SLC26A3: variants seen among roughly 807,000 people sequenced by gnomAD.
SLC26A3 encodes solute carrier family 26 member 3.
Under a neutral mutation model 85.6 loss-of-function variants are expected in SLC26A3, and 64 were observed. The observed-to-expected ratio is 0.75, with a 90% CI of 0.61 to 0.92. The LOEUF is 0.92. SLC26A3 is among the 40% of genes least tolerant of loss of function. The pLI, the probability that SLC26A3 is intolerant of heterozygous loss-of-function variation, is 0.00. For synonymous variants in SLC26A3, 349 were observed against 336.0 expected, an observed-to-expected ratio of 1.04 and a Z score of -0.42; for missense variants, 922 against 927.3, an observed-to-expected ratio of 0.99 and a Z score of 0.07.
intron 18 of SLC26A3, among the ~76,000 whole-genome samples, chr7:107,770,000 C>CCCTTTCTT (rs1554377064): frequency 7.6e-6 from 1 of 130,994 alleles, no homozygotes; most frequent in African/African-American, 2.8e-5. Context: ...TTCCTTTTTT[C>CCCTTTCTT]TCTTTCTTTC....
chr7:107,776,753 A>G (rs947098071), intron 13 of SLC26A3, 47 bp from the exon 14 acceptor site: 13 of 1,554,136 alleles, frequency 8.4e-6, no homozygotes, highest in Non-Finnish European at 1.2e-5. Flanking sequence ...ATGTTTGTTA[A>G]GCCTATAAGG....
At chr7:107,767,499 G>T in intron 20 of SLC26A3, 80 bp downstream of exon 20, 1 of 1,013,794 alleles carries the variant, frequency 9.9e-7, no homozygotes, top group Non-Finnish European at 1.6e-6. Flanking sequence ...TCTGCCACAT[G>T]CAGGAAGTGG....
intron 16 of SLC26A3, 105 bp downstream of exon 16, chr7:107,774,672 C>T: frequency 1.2e-6 from 1 of 863,250 alleles, no homozygotes; most frequent in Non-Finnish European, 2.0e-6. Context: ...CACATGAAAT[C>T]CCTTGTTTAT....
At chr7:107,774,673 C>A (rs1794081451) in intron 16 of SLC26A3, 104 bp downstream of exon 16, 2 of 871,062 alleles carry the variant, frequency 2.3e-6, no homozygotes, top group South Asian at 2.7e-5. Flanking sequence ...ACATGAAATC[C>A]CTTGTTTATC....
intron 18 of SLC26A3, among the ~76,000 whole-genome samples, chr7:107,770,038 C>CTTTCTTTCTTTCTTTCTTTCTTTCTT (rs1554377141): frequency 2.6e-5 from 2 of 76,360 alleles, no homozygotes; most frequent in Non-Finnish European, 5.3e-5. Flanking sequence ...TTCTTTCTTT[C>CTTTCTTTCTTTCTTTCTTTCTTTCTT]TTTCTTTCTT....
chr7:107,779,429 G>C (rs1249335673), intron 12 of SLC26A3, among the ~76,000 whole-genome samples: 1 of 152,182 alleles, frequency 6.6e-6, no homozygotes, highest in Non-Finnish European at 1.5e-5. Flanking sequence ...TTCTAGACTA[G>C]TGTTTCATGG....
intron 17 of SLC26A3, among the ~76,000 whole-genome samples, chr7:107,773,004 A>G (rs1384877444): frequency 2.0e-5 from 3 of 152,198 alleles, no homozygotes; most frequent in Non-Finnish European, 2.9e-5. Flanking sequence ...CAAGAAAAAG[A>G]GAGAAAGATG....
intron 7 of SLC26A3, 148 bp downstream of exon 7, chr7:107,787,209 A>G (rs1794311661): frequency 2.4e-6 from 2 of 843,822 alleles, no homozygotes; most frequent in Non-Finnish European, 3.9e-6. Context: ...TAAATTCTGA[A>G]TGAAAATAAA....
Position 107,783,308 on chromosome 7 carries a change from G to A in SLC26A3, c.1016C>T (p.Thr339Ile). Residue 339 changes from threonine (T) to isoleucine (I), a missense_variant, in exon 9 of 21, where the codon ACC (threonine) becomes ATC (isoleucine). Transcript: ENST00000340010. ...ITPDVETFQN[T>I]VGDCFGIAMV... Reference sequence around the variant, plus strand: ...TGCGATGCCGAAGCAATCTCCTACGGTGTTTTGGAAAGTCTCCACGTCAGG... The same window carrying A: ...TGCGATGCCGAAGCAATCTCCTACGATGTTTTGGAAAGTCTCCACGTCAGG... The A allele has an allele frequency of 6.2e-7, 1 of 1,614,190 alleles. No homozygotes were observed. Among genetic ancestry groups the A allele is most frequent in the Non-Finnish European group, 8.5e-7 (1 of 1,180,032 alleles).
rs181731595 is a variant in SLC26A3, at chr7:107,797,869, T to C, written c.-88-3272A>G. ...CTTTTTTCACCTGAACAAGTTACAT[T>C]TTTGCCAGAAATTCTTGGAAAACAC... is the stretch of plus-strand genomic sequence containing the variant. On this transcript the variant is annotated intron_variant, in intron 1 of 20. Coordinates refer to ENST00000340010, the MANE Select transcript of SLC26A3 (RefSeq NM_000111.3). Among the ~76,000 whole-genome samples the C allele has an allele frequency of 2.7e-3, 404 of 152,064 alleles. 1 individual carries two copies. The highest frequency in any genetic ancestry group is 7.4e-3 in the Admixed American group (113 of 15,286).
At chr7:107,767,683 T>A (rs776865026) in intron 19 of SLC26A3, 39 bp from the exon 20 acceptor site, 79 of 1,592,452 alleles carry the variant, frequency 5.0e-5, no homozygotes, top group Middle Eastern at 1.7e-4. Context: ...TAGGGGCTGA[T>A]TTTTTTTAAT....
chr7:107,770,018 C>CTTTCT (rs1562874124), intron 18 of SLC26A3, among the ~76,000 whole-genome samples: 1 of 38,426 alleles, frequency 2.6e-5, no homozygotes, highest in Non-Finnish European at 4.5e-5. Context: ...TTCTTTCTTT[C>CTTTCT]TTTCTTTCTT....
chr7:107,769,507 A>G (rs911699595), intron 18 of SLC26A3, among the ~76,000 whole-genome samples: 1 of 152,160 alleles, frequency 6.6e-6, no homozygotes, highest in African/African-American at 2.4e-5. Context: ...ATTCTCACTT[A>G]TAAGTGGGAG....
Position 107,767,752 on chromosome 7 carries a change from C to T in SLC26A3, c.2205+14G>A. On this transcript the variant is annotated intron_variant, in intron 19 of 20. Transcript: ENST00000340010. ...CTGCTTATGCAATTGTGAAAGTCACCAAAGAGCTGATACCTGACTGGGATT... is the reference window on the plus strand; with the variant it reads ...CTGCTTATGCAATTGTGAAAGTCACTAAAGAGCTGATACCTGACTGGGATT... The T allele has an allele frequency of 6.2e-7, 1 of 1,613,494 alleles. No homozygotes were observed. Among genetic ancestry groups the T allele is most frequent in the Non-Finnish European group, 8.5e-7 (1 of 1,179,756 alleles).
In SLC26A3 at chr7:107,782,876, T is replaced by C; in HGVS notation, c.1234-2A>G. On this transcript the variant is annotated splice_acceptor_variant, in intron 10 of 20. Coordinates refer to ENST00000340010, the MANE Select transcript of SLC26A3 (RefSeq NM_000111.3). LOFTEE classifies it high-confidence loss of function. ...GATGGCACCAATAAGCCCAGCAATC[T>C]GTGAGGATAAAAAAATTATCATCAC... 6.2e-7 allele frequency: 1 copy of C among 1,613,918 alleles called. No individual in the cohort carries two copies. Among genetic ancestry groups the C allele is most frequent in the Non-Finnish European group, 8.5e-7 (1 of 1,180,004 alleles).
chr7:107,790,271 A>T (rs1162227697), intron 5 of SLC26A3, among the ~76,000 whole-genome samples: 1 of 152,160 alleles, frequency 6.6e-6, no homozygotes, highest in Non-Finnish European at 1.5e-5. Context: ...CTTCCCTTGG[A>T]TACTTGGCCT....
rs537554803 is a variant in SLC26A3 at position 107,794,586 on chromosome 7, G to A, written c.-77C>T. On this transcript the variant is annotated 5_prime_UTR_variant, in exon 2 of 21. Coordinates refer to ENST00000340010, the MANE Select transcript of SLC26A3 (RefSeq NM_000111.3). ...TGAACACTTCTTCTTGCCTTTAGCA[G>A]GTTAAAAATGCCTGAAACCAAACAG... The A allele has an allele frequency of 1.3e-6, 2 of 1,525,042 alleles. No homozygotes were observed. The highest frequency in any genetic ancestry group is 9.1e-7 in the Non-Finnish European group (1 of 1,100,082). 94.5% of individuals were successfully genotyped at this position (1,525,042 alleles called of 1,614,324 possible). A position where few individuals can be genotyped will look rare whatever the true frequency, so the allele number is the denominator to read the frequency against.
intron 14 of SLC26A3, 45 bp from the exon 15 acceptor site, chr7:107,776,589 T>G: frequency 6.2e-7 from 1 of 1,606,838 alleles, no homozygotes; most frequent in Non-Finnish European, 8.5e-7. Context: ...ATTAGATCCA[T>G]AGTTAATATC....
At chr7:107,795,020 T>G (rs4730260) in intron 1 of SLC26A3, among the ~76,000 whole-genome samples, 71,035 of 151,930 alleles carry the variant, frequency 0.47, 17,940 homozygotes, top group African/African-American at 0.66. Context: ...TTAAAATTTG[T>G]TTTTTTTACC....
Sources: gnomAD v4.1 joint callset for allele counts (sites outside exome capture counted in the v4.1 genomes callset) on GRCh38, gnomAD v4.1.1 for gene constraint, MANE v1.5 for transcripts, NCBI Gene and HGNC (gene_info 2026-07-23, HGNC 2026-07-21) for gene names.